Variants in LCP1 observed in about 807,000 individuals in gnomAD.
The protein encoded by LCP1 is lymphocyte cytosolic protein 1, also known as plastin-2.
Under a neutral mutation model 72.0 loss-of-function variants are expected in LCP1, and 23 were observed. The observed-to-expected ratio is 0.32, with a 90% CI of 0.23 to 0.45. The LOEUF is 0.45. Among genes scored for constraint, LCP1 ranks in the 20% least tolerant of loss-of-function variants. LCP1 has a pLI of 1.00. For missense variants in LCP1, 571 were observed against 748.3 expected, an observed-to-expected ratio of 0.76 and a Z score of 2.76; for synonymous variants, 245 against 275.4, an observed-to-expected ratio of 0.89 and a Z score of 1.09.
At chr13:46,177,499 G>C (rs1357679167) in intron 1 of LCP1, among the ~76,000 whole-genome samples, 1 of 152,084 alleles carries the variant, frequency 6.6e-6, no homozygotes, top group Non-Finnish European at 1.5e-5. Context: ...AATTAGCCGG[G>C]CGTGGTGGTG....
chr13:46,127,546 C>T lies in LCP1; in HGVS notation c.*45G>A. 1 of 1,610,032 alleles carries T rather than the reference C, an allele frequency of 6.2e-7. No homozygotes were observed. The highest frequency in any genetic ancestry group is 8.5e-7 in the Non-Finnish European group (1 of 1,177,762). On this transcript the variant is annotated 3_prime_UTR_variant, in exon 16 of 16. Transcript: ENST00000323076. ...TCATCCCTGGAGCATCTGTGCCGGG[C>T]AGTCAGGAGTGAGTGCACCGCCTCC...
intron 3 of LCP1, 32 bp downstream of exon 3, chr13:46,158,794 A>ATG: frequency 6.2e-7 from 1 of 1,608,030 alleles, no homozygotes; most frequent in South Asian, 1.1e-5. Context: ...CAAGTTTCAA[A>ATG]TGTGTCTCCT....
At chr13:46,130,725 T>C in intron 15 of LCP1, 89 bp downstream of exon 15, 9 of 1,451,284 alleles carry the variant, frequency 6.2e-6, no homozygotes, top group Non-Finnish European at 8.5e-6. Flanking sequence ...GAAATGTTTG[T>C]ATAAAGGCAT....
At position 46,127,686 on chromosome 13, in the gene LCP1, C is replaced by A. The variant is rs761106055; in HGVS notation, c.1789G>T (p.Val597Leu). The change falls in exon 16 of 16, where the codon GTG becomes TTG. Residue 597 changes from valine (V) to leucine (L), a missense_variant. Val to Leu is a conservative substitution (Grantham distance 32). Coordinates refer to ENST00000323076, the MANE Select transcript of LCP1 (RefSeq NM_002298.5). The part of the protein sequence containing the change: ...ISMARKIGAR[V>L]YALPEDLVEV... ...ACCAGGTCTTCTGGCAGGGCATACA[C>A]TCTTGCTCCAATTTTTCGGGCCATA... The A allele has an allele frequency of 4.3e-6, 7 of 1,614,066 alleles. No individual in the cohort carries two copies. The African/African-American group carries it at 5.3e-5, about 12-fold the overall frequency.
intron 13 of LCP1, among the ~76,000 whole-genome samples, chr13:46,138,894 G>A (rs1233085662): frequency 6.6e-6 from 1 of 152,130 alleles, no homozygotes; most frequent in South Asian, 2.1e-4. Flanking sequence ...TGATCCACCC[G>A]CCTCGGCCTC....
chr13:46,142,362 T>C lies in LCP1; in HGVS notation c.1432A>G (p.Ile478Val). Reference sequence around the variant, plus strand: ...CCTTCATTGAGATCTTGTCCACCGATGCCAACCAGGGAGAACTTCGCTTGA... The same window carrying C: ...CCTTCATTGAGATCTTGTCCACCGACGCCAACCAGGGAGAACTTCGCTTGA... ...KNQAKFSLVGIGGQDLNEGNR... is the reference protein window; with the variant it reads ...KNQAKFSLVGVGGQDLNEGNR... Residue 478 changes from isoleucine to valine, a missense_variant, in exon 13 of 16, where the codon ATC becomes GTC. Coordinates refer to ENST00000323076, the MANE Select transcript of LCP1 (RefSeq NM_002298.5). 1.2e-6 allele frequency: 2 copies of C among 1,614,090 alleles called. No homozygotes were observed. Among genetic ancestry groups the C allele is most frequent in the Non-Finnish European group, 1.7e-6 (2 of 1,179,974 alleles).
chr13:46,138,954 T>C (rs2138228054), intron 13 of LCP1, among the ~76,000 whole-genome samples: 1 of 152,302 alleles, frequency 6.6e-6, no homozygotes, highest in East Asian at 1.9e-4. Flanking sequence ...TGGCTTGAGC[T>C]TTTTAATCAT....
intron 7 of LCP1, among the ~76,000 whole-genome samples, chr13:46,151,298 A>G (rs2045762527): frequency 6.6e-6 from 1 of 152,244 alleles, no homozygotes; most frequent in South Asian, 2.1e-4. Flanking sequence ...TCCATTTTCC[A>G]GATGGAGAAA....
intron 1 of LCP1, among the ~76,000 whole-genome samples, chr13:46,161,491 C>A (rs1227943976): frequency 6.6e-6 from 1 of 152,134 alleles, no homozygotes; most frequent in African/African-American, 2.4e-5. Context: ...TAACACATCA[C>A]AATAACCCTA....
At chr13:46,159,810 C>G in intron 1 of LCP1, 124 bp from the exon 2 acceptor site, 1 of 636,650 alleles carries the variant, frequency 1.6e-6, no homozygotes, top group Non-Finnish European at 2.8e-6. Context: ...TGATTTAGAA[C>G]TATCTTTCCA....
chr13:46,179,592 A>C (rs904242731), intron 1 of LCP1, among the ~76,000 whole-genome samples: 1 of 152,224 alleles, frequency 6.6e-6, no homozygotes, highest in Non-Finnish European at 1.5e-5. Context: ...GGCCTCCAAA[A>C]GGGTATGTTT....
chr13:46,159,276 G>A (rs1474103547), intron 2 of LCP1: 2 of 519,864 alleles, frequency 3.8e-6, no homozygotes, highest in South Asian at 2.7e-5. Flanking sequence ...CAGGTTTAGT[G>A]ATAAAGAGTA....
At chr13:46,157,025 T>C (rs973740407) in intron 4 of LCP1, among the ~76,000 whole-genome samples, 2 of 151,888 alleles carry the variant, frequency 1.3e-5, no homozygotes, top group Non-Finnish European at 2.9e-5. Flanking sequence ...TTTCATCGTG[T>C]TAGCCAGGAT....
chr13:46,167,086 A>G (rs2045880592), intron 1 of LCP1, among the ~76,000 whole-genome samples: 1 of 152,096 alleles, frequency 6.6e-6, no homozygotes, highest in African/African-American at 2.4e-5. Flanking sequence ...GATTCTCTCA[A>G]AGCCTACAGA....
Position 46,127,120 on chromosome 13 carries a change from G to A in LCP1, c.*471C>T, listed in dbSNP as rs897087495. ...TCAAGGGAGGCAGGGTAGGAAGAGG[G>A]GACAGAAAGAGGGGCTTGCAACAGA... On this transcript the variant is annotated 3_prime_UTR_variant, in exon 16 of 16. Transcript: ENST00000323076. 2.2e-5 allele frequency: 5 copies of A among 232,232 alleles called. No individual in the cohort carries two copies. In the Admixed American group the frequency reaches 2.8e-4, roughly 13 times the overall value. 14.4% of individuals were successfully genotyped at this position (232,232 alleles called of 1,614,324 possible). A position where few individuals can be genotyped will look rare whatever the true frequency, so the allele number is the denominator to read the frequency against.
intron 1 of LCP1, among the ~76,000 whole-genome samples, chr13:46,165,218 A>G (rs1295862928): frequency 6.6e-6 from 1 of 152,064 alleles, no homozygotes; most frequent in African/African-American, 2.4e-5. Context: ...TACCAAAAAT[A>G]CAAAAATTAT....
intron 1 of LCP1, among the ~76,000 whole-genome samples, chr13:46,176,011 A>T (rs1340452772): frequency 1.3e-5 from 2 of 152,126 alleles, no homozygotes; most frequent in Non-Finnish European, 2.9e-5. Context: ...GGTACAAAGG[A>T]TCTACTTTTT....
chr13:46,129,603 C>T (rs1460062251), intron 15 of LCP1, among the ~76,000 whole-genome samples: 2 of 152,108 alleles, frequency 1.3e-5, no homozygotes, highest in Non-Finnish European at 2.9e-5. Flanking sequence ...TTATTTCTCT[C>T]CATTAAATTG....
chr13:46,129,290 G>GCA (rs766916597), intron 15 of LCP1, among the ~76,000 whole-genome samples: 18 of 152,142 alleles, frequency 1.2e-4, no homozygotes, highest in East Asian at 5.8e-4. Context: ...AATCTCAGCT[G>GCA]CACAACTGAA....
Sources: allele counts gnomAD v4.1 joint callset (sites outside exome capture counted in the v4.1 genomes callset), GRCh38; gene constraint gnomAD v4.1.1; transcripts MANE v1.5; gene names NCBI Gene and HGNC (gene_info 2026-07-23, HGNC 2026-07-21).